The following WDR75 variants were observed in gnomAD, a reference collection of about 807,000 sequenced individuals.
The protein encoded by WDR75 is WD repeat-containing protein 75.
WDR75 carries 52 observed loss-of-function variants against 106.1 expected under a neutral mutation model. The ratio of observed to expected loss-of-function variants is 0.49; its 90% CI spans 0.39 to 0.62. The LOEUF is 0.62. WDR75 is among the 20% of genes least tolerant of loss of function. The probability of loss-of-function intolerance (pLI) is 0.00; values close to 1 mark genes in which losing one functional copy is unlikely to be tolerated. For missense variants in WDR75, 905 were observed against 970.3 expected, an observed-to-expected ratio of 0.93 and a Z score of 0.89; for synonymous variants, 333 against 335.5, an observed-to-expected ratio of 0.99 and a Z score of 0.08.
At chr2:189,450,830 A>G in intron 2 of WDR75, 73 bp from the exon 3 acceptor site, 2 of 1,587,368 alleles carry the variant, frequency 1.3e-6, no homozygotes, top group Non-Finnish European at 1.7e-6. Flanking sequence ...CCTGATCAAC[A>G]TTTAATTATT....
chr2:189,464,719 G>A lies in WDR75; in HGVS notation c.1114-360G>A, dbSNP rs1686965489. On this transcript the variant is annotated intron_variant, in intron 11 of 20. Coordinates refer to ENST00000314761, the MANE Select transcript of WDR75 (RefSeq NM_032168.3). ...TATTTCTGTTCTGCTTGTTTCTGTT[G>A]ACAGAGAATCTAGCCTTGAGATGAT... Among the ~76,000 whole-genome samples the A allele has an allele frequency of 2.0e-5, 3 of 150,674 alleles. No individual in the cohort carries two copies. In the South Asian group the frequency reaches 6.2e-4, roughly 31 times the overall value.
At chr2:189,462,724 A>C in intron 9 of WDR75, 82 bp downstream of exon 9, 1 of 1,337,630 alleles carries the variant, frequency 7.5e-7, no homozygotes, top group South Asian at 1.4e-5. Context: ...GAATAAAGAG[A>C]CCTAAAACTA....
Position 189,463,771 on chromosome 2 carries a change from G to GAA in WDR75, c.997+18_997+19insAA. The GAA allele has an allele frequency of 6.2e-7, 1 of 1,613,654 alleles. No individual in the cohort carries two copies. Among genetic ancestry groups the GAA allele is most frequent in the African/African-American group, 1.3e-5 (1 of 74,992 alleles). On this transcript the variant is annotated intron_variant, in intron 10 of 20. Coordinates refer to ENST00000314761, the MANE Select transcript of WDR75 (RefSeq NM_032168.3). The stretch of plus-strand genomic sequence containing the variant: ...AGTGAAAGGTATTGCAGAACTCAGT[G>GAA]GATTTGGAATCATGAACATTTTAAA...
chr2:189,466,468 A>G lies in WDR75; in HGVS notation c.1333A>G (p.Ile445Val), dbSNP rs761787041. 26 of 1,613,168 alleles carry G rather than the reference A, an allele frequency of 1.6e-5. No individual in the cohort carries two copies. Among genetic ancestry groups the G allele is most frequent in the South Asian group, 1.1e-5 (1 of 91,056 alleles). The change falls in exon 13 of 21, where the codon ATT (isoleucine) becomes GTT (valine). Residue 445 changes from isoleucine (I) to valine (V), a missense_variant. Ile to Val is a conservative substitution (Grantham distance 29). Transcript: ENST00000314761. ...AATTAACATGCCACACGAAGACTGC[A>G]TTACAGCTCTCTGTTTCTGTAATGC... is the stretch of plus-strand genomic sequence containing the variant. ...TKINMPHEDC[I>V]TALCFCNAEK...
chr2:189,449,545 AC>A (rs1686572780), intron 2 of WDR75: 2 of 1,072,258 alleles, frequency 1.9e-6, no homozygotes, highest in Non-Finnish European at 2.3e-6. Flanking sequence ...AGCCAAAAAA[AC>A]GTATACACAA....
chr2:189,466,938 G>A (rs1444255461), intron 13 of WDR75, among the ~76,000 whole-genome samples: 2 of 152,138 alleles, frequency 1.3e-5, no homozygotes, highest in African/African-American at 4.8e-5. Context: ...CTGACTTAAA[G>A]AAGTTGTGGG....
intron 8 of WDR75, 86 bp from the exon 9 acceptor site, chr2:189,462,398 A>AG (rs1686908290): frequency 6.2e-6 from 9 of 1,463,128 alleles, no homozygotes; most frequent in Non-Finnish European, 8.4e-6. Flanking sequence ...CTAGTACGGT[A>AG]GCAAAAACAA....
intron 4 of WDR75, among the ~76,000 whole-genome samples, chr2:189,454,951 G>T (rs1187964354): frequency 6.6e-6 from 1 of 152,032 alleles, no homozygotes; most frequent in Non-Finnish European, 1.5e-5. Flanking sequence ...GTACTGATTA[G>T]CAGTTTCATA....
chr2:189,470,730 G>T (rs1051341541), intron 17 of WDR75, 89 bp from the exon 18 acceptor site: 2 of 872,112 alleles, frequency 2.3e-6, no homozygotes, highest in Non-Finnish European at 3.3e-6. Flanking sequence ...TGAAAAATTT[G>T]ACCTTCTCAT....
At chr2:189,461,504 T>C (rs1686882510) in intron 8 of WDR75, among the ~76,000 whole-genome samples, 1 of 152,208 alleles carries the variant, frequency 6.6e-6, no homozygotes, top group South Asian at 2.1e-4. Context: ...GGTTCTCATA[T>C]ATATTTTTCA....
chr2:189,443,580 G>A (rs1164063194), intron 1 of WDR75, among the ~76,000 whole-genome samples: 1 of 152,174 alleles, frequency 6.6e-6, no homozygotes, highest in Non-Finnish European at 1.5e-5. Context: ...TTGGTGAGTG[G>A]AGAAATGAGA....
chr2:189,475,241 A>G lies in WDR75; in HGVS notation c.2317A>G (p.Met773Val), dbSNP rs1687190238. Residue 773 changes from methionine to valine, a missense_variant, in exon 21 of 21, where the codon ATG (methionine) becomes GTG (valine). Coordinates refer to ENST00000314761, the MANE Select transcript of WDR75 (RefSeq NM_032168.3). Reference protein sequence around the residue: ...SAKEIPEDVDMEEEKESEDSD... With the variant: ...SAKEIPEDVDVEEEKESEDSD... ...TAAGGAAATTCCTGAAGATGTAGAT[A>G]TGGAAGAAGAAAAAGAAAGTGAAGA... The G allele has an allele frequency of 1.2e-6, 2 of 1,612,306 alleles. No homozygotes were observed. The highest frequency in any genetic ancestry group is 1.7e-6 in the Non-Finnish European group (2 of 1,179,098).
At chr2:189,455,250 A>AG (rs398105108) in intron 4 of WDR75, 70 bp from the exon 5 acceptor site, 67 of 1,539,846 alleles carry the variant, frequency 4.4e-5, no homozygotes, top group Non-Finnish European at 7.9e-6. Context: ...CAAAAAAAAA[A>AG]GAATAAATTC....
At chr2:189,459,225 A>G in intron 7 of WDR75, 111 bp from the exon 8 acceptor site, 1 of 783,170 alleles carries the variant, frequency 1.3e-6, no homozygotes, top group Non-Finnish European at 2.0e-6. Context: ...AGAAGCCTTT[A>G]TATTATGATT....
intron 13 of WDR75, among the ~76,000 whole-genome samples, 198 bp from the exon 14 acceptor site, chr2:189,467,270 G>T (rs756047593): frequency 4.6e-5 from 7 of 151,920 alleles, no homozygotes; most frequent in Non-Finnish European, 1.0e-4. Context: ...GTGAATATGT[G>T]CATGCTCTGT....
intron 4 of WDR75, 54 bp downstream of exon 4, chr2:189,451,949 C>A: frequency 1.4e-6 from 2 of 1,404,654 alleles, no homozygotes; most frequent in Non-Finnish European, 2.0e-6. Context: ...TTACATTTTA[C>A]AGTTCCTCAA....
intron 16 of WDR75, 50 bp downstream of exon 16, chr2:189,469,489 T>C: frequency 6.8e-7 from 1 of 1,467,620 alleles, no homozygotes; most frequent in East Asian, 2.3e-5. Flanking sequence ...GACCTAAGTT[T>C]TCTTCTTAAT....
chr2:189,442,945 T>C (rs1049839935), intron 1 of WDR75, among the ~76,000 whole-genome samples: 2 of 152,226 alleles, frequency 1.3e-5, no homozygotes, highest in Admixed American at 1.3e-4. Flanking sequence ...CGGACTCATA[T>C]CCATGTAACC....
At chr2:189,463,779 A>G in intron 10 of WDR75, 26 bp downstream of exon 10, 2 of 1,613,772 alleles carry the variant, frequency 1.2e-6, no homozygotes, top group Non-Finnish European at 1.7e-6. Context: ...GTGGATTTGG[A>G]ATCATGAACA....
Sources: allele counts gnomAD v4.1 joint callset (sites outside exome capture counted in the v4.1 genomes callset), GRCh38; gene constraint gnomAD v4.1.1; transcripts MANE v1.5; gene names NCBI Gene and HGNC (gene_info 2026-07-23, HGNC 2026-07-21).